The following MCU variants were observed in gnomAD, a reference collection of about 807,000 sequenced individuals.
The protein encoded by MCU is mitochondrial calcium uniporter.
A neutral mutation model predicts 45.2 loss-of-function variants in MCU; 12 were observed. That is an observed-to-expected ratio of 0.27 (90% confidence interval 0.17 to 0.43). MCU has a LOEUF of 0.43. Among genes scored for constraint, MCU ranks in the 20% least tolerant of loss-of-function variants. MCU has a pLI of 1.00. For missense variants in MCU, 324 were observed against 436.7 expected, an observed-to-expected ratio of 0.74 and a Z score of 2.30; for synonymous variants, 160 against 165.1, an observed-to-expected ratio of 0.97 and a Z score of 0.24.
At chr10:72,741,892 G>A (rs1467377949) in intron 1 of MCU, among the ~76,000 whole-genome samples, 1 of 151,984 alleles carries the variant, frequency 6.6e-6, no homozygotes, top group East Asian at 1.9e-4. Flanking sequence ...GTCGGGCATG[G>A]TGGCGGGCGC....
intron 6 of MCU, among the ~76,000 whole-genome samples, chr10:72,882,507 T>G (rs914657189): frequency 2.6e-5 from 4 of 152,092 alleles, no homozygotes; most frequent in Admixed American, 2.6e-4. Flanking sequence ...CCCCCTTGGG[T>G]GTGGCCGTCT....
chr10:72,811,425 G>A (rs547409966), intron 1 of MCU, among the ~76,000 whole-genome samples: 56 of 152,262 alleles, frequency 3.7e-4, no homozygotes, highest in Non-Finnish European at 6.9e-4. Context: ...AATGAGAAGA[G>A]GGCCAATATA....
intron 1 of MCU, among the ~76,000 whole-genome samples, chr10:72,725,226 C>T (rs1336487302): frequency 1.3e-5 from 2 of 152,024 alleles, no homozygotes; most frequent in East Asian, 1.9e-4. Context: ...CCCGGGTTCC[C>T]GCCATTCTCC....
intron 1 of MCU, among the ~76,000 whole-genome samples, chr10:72,750,491 G>GT (rs1843478753): frequency 1.3e-5 from 2 of 152,156 alleles, no homozygotes; most frequent in African/African-American, 4.8e-5. Context: ...TAGGCTTCTT[G>GT]TTAACCATCT....
intron 1 of MCU, among the ~76,000 whole-genome samples, chr10:72,781,217 T>C (rs1843989059): frequency 1.3e-5 from 2 of 152,310 alleles, no homozygotes; most frequent in South Asian, 4.1e-4. Flanking sequence ...GGGCAGAGTT[T>C]GGAGATAAGA....
rs374655031 is a variant in MCU at position 72,741,251 on chromosome 10, C to G, written c.150+48950C>G. Among the ~76,000 whole-genome samples, 47 of 152,088 alleles carry G rather than the reference C, an allele frequency of 3.1e-4. 1 individual carries two copies. In the East Asian group the frequency reaches 7.6e-3, roughly 24 times the overall value. On this transcript the variant is annotated intron_variant, in intron 1 of 7. Coordinates refer to ENST00000373053, the MANE Select transcript of MCU (RefSeq NM_138357.3). ...AGTAGCTAGGATTACAGGCGCCCACCACCACACCCGGCTAATTTTTTGTAT... is the reference window on the plus strand; with the variant it reads ...AGTAGCTAGGATTACAGGCGCCCACGACCACACCCGGCTAATTTTTTGTAT...
At chr10:72,733,448 A>G (rs1475717248) in intron 1 of MCU, among the ~76,000 whole-genome samples, 1 of 152,038 alleles carries the variant, frequency 6.6e-6, no homozygotes, top group Non-Finnish European at 1.5e-5. Context: ...CAGGGTGAGA[A>G]TCTGTCTCAA....
At chr10:72,865,815 T>C (rs537783097) in intron 4 of MCU, among the ~76,000 whole-genome samples, 3 of 150,442 alleles carry the variant, frequency 2.0e-5, no homozygotes, top group African/African-American at 7.3e-5. Context: ...CTTGCTCTGT[T>C]GCCCAGGCTG....
intron 1 of MCU, among the ~76,000 whole-genome samples, chr10:72,814,223 G>T (rs1399156152): frequency 6.6e-6 from 1 of 152,148 alleles, no homozygotes; most frequent in Non-Finnish European, 1.5e-5. Context: ...TTGTAAGCAT[G>T]CCATGGAAGT....
At chr10:72,732,626 CA>C (rs1301843768) in intron 1 of MCU, among the ~76,000 whole-genome samples, 1 of 152,170 alleles carries the variant, frequency 6.6e-6, no homozygotes, top group African/African-American at 2.4e-5. Flanking sequence ...CTGAGTGTGT[CA>C]AACAACTGCC....
At chr10:72,704,710 T>C (rs1277924821) in intron 1 of MCU, among the ~76,000 whole-genome samples, 4 of 134,816 alleles carry the variant, frequency 3.0e-5, no homozygotes, top group Admixed American at 7.4e-5. Context: ...GATAATTTTT[T>C]TTTTTTTTTT....
At chr10:72,748,853 A>T (rs947076918) in intron 1 of MCU, among the ~76,000 whole-genome samples, 2 of 152,238 alleles carry the variant, frequency 1.3e-5, no homozygotes, top group Non-Finnish European at 2.9e-5. Flanking sequence ...AAACAGGTAA[A>T]CTTTCCATCT....
intron 6 of MCU, among the ~76,000 whole-genome samples, chr10:72,879,178 G>A (rs145944500): frequency 1.1e-4 from 16 of 152,238 alleles, no homozygotes; most frequent in African/African-American, 2.2e-4. Context: ...CATGAGGATC[G>A]CTTGAACCTG....
chr10:72,788,136 C>G (rs538943561), intron 1 of MCU, among the ~76,000 whole-genome samples: 1 of 152,328 alleles, frequency 6.6e-6, no homozygotes, highest in Admixed American at 6.5e-5. Context: ...AGGTTCTTTT[C>G]TGTGTTCAAT....
chr10:72,826,227 G>A (rs1045550859), intron 1 of MCU, among the ~76,000 whole-genome samples: 8 of 152,138 alleles, frequency 5.3e-5, no homozygotes, highest in African/African-American at 1.9e-4. Flanking sequence ...GATGCCCCAG[G>A]TCCATGGACT....
intron 1 of MCU, among the ~76,000 whole-genome samples, chr10:72,776,504 A>C (rs1843896372): frequency 6.6e-6 from 1 of 152,206 alleles, no homozygotes; most frequent in Non-Finnish European, 1.5e-5. Context: ...AAATCATTTG[A>C]TAAAATTCAG....
chr10:72,867,420 A>G (rs1272506040), intron 4 of MCU, among the ~76,000 whole-genome samples: 1 of 152,174 alleles, frequency 6.6e-6, no homozygotes, highest in Non-Finnish European at 1.5e-5. Flanking sequence ...AAAGAATTTA[A>G]TCTTTCACCC....
intron 1 of MCU, among the ~76,000 whole-genome samples, chr10:72,783,016 C>T (rs946597722): frequency 1.3e-5 from 2 of 152,122 alleles, no homozygotes; most frequent in Admixed American, 6.5e-5. Flanking sequence ...TAGGAAAATG[C>T]GAAGGGAGTT....
intron 1 of MCU, among the ~76,000 whole-genome samples, chr10:72,728,381 T>A (rs1463148309): frequency 1.3e-5 from 2 of 152,194 alleles, no homozygotes; most frequent in African/African-American, 2.4e-5. Context: ...AGTTAACTAG[T>A]TGATTATTAA....
Sources: allele counts gnomAD v4.1 joint callset (sites outside exome capture counted in the v4.1 genomes callset), GRCh38; gene constraint gnomAD v4.1.1; transcripts MANE v1.5; gene names NCBI Gene and HGNC (gene_info 2026-07-23, HGNC 2026-07-21).